TP53BP1: variants seen among roughly 807,000 people sequenced by gnomAD.
TP53BP1 encodes tumor protein p53 binding protein 1, also known as TP53-binding protein 1.
TP53BP1 carries 61 observed loss-of-function variants against 200.8 expected under a neutral mutation model. The ratio of observed to expected loss-of-function variants is 0.30; its 90% CI spans 0.25 to 0.38. The LOEUF is 0.38. TP53BP1 is among the 10% of genes least tolerant of loss of function. The pLI, the probability that TP53BP1 is intolerant of heterozygous loss-of-function variation, is 1.00. For synonymous variants in TP53BP1, 822 were observed against 844.3 expected (o/e 0.97, Z 0.46); for missense variants, 2,144 against 2,371.9 (o/e 0.90, Z 2.00).
At position 43,407,379 on chromosome 15, in the gene TP53BP1, A is replaced by C. The variant is rs1429646922; in HGVS notation, c.*4T>G. On this transcript the variant is annotated 3_prime_UTR_variant, in exon 28 of 28. Transcript: ENST00000382044. ...GGGAATAAAACCAGTAAGACCAAGT[A>C]TCTTTAGTGAGAAACATAATCGTGT... 4 of 1,613,742 alleles carry C rather than the reference A, an allele frequency of 2.5e-6. No homozygotes were observed. Among genetic ancestry groups the C allele is most frequent in the East Asian group, 2.2e-5 (1 of 44,876 alleles).
upstream of TP53BP1, among the ~76,000 whole-genome samples, chr15:43,494,256 C>T (rs1419221235): frequency 6.6e-6 from 1 of 152,158 alleles, no homozygotes; most frequent in Non-Finnish European, 1.5e-5. Context: ...AGATTTATTT[C>T]GGCACAGCCC....
At position 43,408,727 on chromosome 15, in the gene TP53BP1, A is replaced by G. The variant is rs2045012146; in HGVS notation, c.5600+170T>C. On this transcript the variant is annotated intron_variant, in intron 26 of 27. Transcript: ENST00000382044. ...TTGCAAAAGGTTCCTAGCCAATGTA[A>G]CCTAGGGAAATAAACTAGATAAACT... 6 of 645,784 alleles carry G rather than the reference A, an allele frequency of 9.3e-6. No homozygotes were observed. In the Admixed American group the frequency reaches 1.4e-4, roughly 16 times the overall value. 40.0% of individuals were successfully genotyped at this position (645,784 alleles called of 1,614,324 possible).
Position 43,420,331 on chromosome 15 carries a change from A to G in TP53BP1, c.4655T>C (p.Leu1552Pro). The G allele has an allele frequency of 6.2e-7, 1 of 1,613,946 alleles. No individual in the cohort carries two copies. The highest frequency in any genetic ancestry group is 8.5e-7 in the Non-Finnish European group (1 of 1,179,858). Reference protein sequence around the residue: ...PIPLDTEVTALSEDEYFSAGV... With the variant: ...PIPLDTEVTAPSEDEYFSAGV... ...TGCACTGAAATACTCATCCTCCGAG[A>G]GGGCCGTCACTTCAGTGTCCAGCGG... is the stretch of plus-strand genomic sequence containing the variant. Residue 1552 changes from leucine (L) to proline (P), a missense_variant, in exon 21 of 28, where the codon CTC (leucine) becomes CCC (proline). Leu to Pro is a moderately conservative substitution (Grantham distance 98). Transcript: ENST00000382044.
At chr15:43,434,131 T>G (rs1044156339) in intron 16 of TP53BP1, among the ~76,000 whole-genome samples, 2 of 152,184 alleles carry the variant, frequency 1.3e-5, no homozygotes, top group Admixed American at 6.5e-5. Context: ...GAACCTCAAC[T>G]GAATGAGAAT....
chr15:43,460,342 C>T (rs536451580), intron 11 of TP53BP1, among the ~76,000 whole-genome samples: 1 of 152,170 alleles, frequency 6.6e-6, no homozygotes, highest in South Asian at 2.1e-4. Flanking sequence ...CTCATTGCAG[C>T]CTTAATGTCT....
chr15:43,481,460 TACACACACACACAC>T (rs61433356), intron 4 of TP53BP1, among the ~76,000 whole-genome samples: 45 of 143,810 alleles, frequency 3.1e-4, no homozygotes, highest in African/African-American at 1.1e-3. Flanking sequence ...TGTATATAAA[TACACACACACACAC>T]ACACACACAC....
chr15:43,443,508 A>G (rs960609593), intron 14 of TP53BP1, among the ~76,000 whole-genome samples: 16 of 152,020 alleles, frequency 1.1e-4, no homozygotes, highest in African/African-American at 3.6e-4. Context: ...CCTGGCTAAC[A>G]TGGCGAAGCC....
In TP53BP1 at chr15:43,416,271, G is replaced by T; in HGVS notation, c.4827C>A (p.Pro1609=). 6.2e-7 allele frequency: 1 copy of T among 1,614,148 alleles called. No individual in the cohort carries two copies. The highest frequency in any genetic ancestry group is 8.5e-7 in the Non-Finnish European group (1 of 1,180,012). The change falls in exon 22 of 28, where the codon CCC becomes CCA. Residue 1609 remains proline (P), a synonymous_variant. Coordinates refer to ENST00000382044, the MANE Select transcript of TP53BP1 (RefSeq NM_001141980.3). The part of the protein sequence containing the change: ...NRLREQYGLG[P]YEAVTPLTKA... The stretch of plus-strand genomic sequence containing the variant: ...TTGTAAGAGGTGTTACTGCTTCATA[G>T]GGGCCAAGCCCATACTGCTCTCTCA...
At chr15:43,443,456 C>T (rs1294082447) in intron 14 of TP53BP1, among the ~76,000 whole-genome samples, 1 of 152,164 alleles carries the variant, frequency 6.6e-6, no homozygotes, top group Admixed American at 6.5e-5. Flanking sequence ...CTTTGAGAGG[C>T]CAAGGCAGGA....
At chr15:43,424,710 T>C (rs912274086) in intron 18 of TP53BP1, among the ~76,000 whole-genome samples, 1 of 152,246 alleles carries the variant, frequency 6.6e-6, no homozygotes, top group African/African-American at 2.4e-5. Flanking sequence ...ATAAAATAGG[T>C]ATCCTTACTA....
At chr15:43,452,013 T>C (rs1181061955) in intron 12 of TP53BP1, among the ~76,000 whole-genome samples, 2 of 151,994 alleles carry the variant, frequency 1.3e-5, no homozygotes, top group African/African-American at 4.8e-5. Flanking sequence ...CATGTGCCTA[T>C]AATTCCAGCT....
At chr15:43,455,751 A>T in intron 12 of TP53BP1, 141 bp downstream of exon 12, 1 of 1,129,996 alleles carries the variant, frequency 8.8e-7, no homozygotes, top group South Asian at 1.7e-5. Context: ...CAAAAAATTT[A>T]ATTTCCCAAT....
chr15:43,408,131 T>C, intron 26 of TP53BP1, 43 bp from the exon 27 acceptor site: 1 of 1,590,638 alleles, frequency 6.3e-7, no homozygotes, highest in Non-Finnish European at 8.6e-7. Flanking sequence ...ACAAGTAATA[T>C]CCAACAAACT....
intron 11 of TP53BP1, among the ~76,000 whole-genome samples, chr15:43,457,973 C>T (rs1033539002): frequency 6.6e-6 from 1 of 151,664 alleles, no homozygotes; most frequent in African/African-American, 2.4e-5. Context: ...GAGCCAAGAT[C>T]GTGTCATTGC....
chr15:43,509,299 C>T (rs958798234), intron 1 of TP53BP1, among the ~76,000 whole-genome samples: 1 of 146,732 alleles, frequency 6.8e-6, no homozygotes, highest in Non-Finnish European at 1.5e-5. Flanking sequence ...CTCTTATTTT[C>T]CCCTTTCTGT....
Position 43,449,978 on chromosome 15 carries a change from A to T in TP53BP1, c.2717-2493T>A, listed in dbSNP as rs77578756. On this transcript the variant is annotated intron_variant, in intron 12 of 27. Transcript: ENST00000382044. ...AATCCTTAAAAATACATTTGCTGGTATATTTTATCCTTTTAAACTTACGGA... is the reference window on the plus strand; with the variant it reads ...AATCCTTAAAAATACATTTGCTGGTTTATTTTATCCTTTTAAACTTACGGA... 7.8e-3 allele frequency among the ~76,000 whole-genome samples: 1,183 copies of T among 152,356 alleles called. 15 individuals are homozygous for T. Among genetic ancestry groups the T allele is most frequent in the African/African-American group, 0.027 (1,107 of 41,574 alleles).
At position 43,404,149 on chromosome 15, in the gene TP53BP1, C is replaced by T. The variant is rs2044775862; in HGVS notation, c.*3234G>A. 2 of 535,404 alleles carry T rather than the reference C, an allele frequency of 3.7e-6. No individual in the cohort carries two copies. The highest frequency in any genetic ancestry group is 3.2e-5 in the Admixed American group (1 of 31,128). 33.2% of individuals were successfully genotyped at this position (535,404 alleles called of 1,614,324 possible). A position where few individuals can be genotyped will look rare whatever the true frequency, so the allele number is the denominator to read the frequency against. ...TGTAATCAAAACGGGTTCTCCCCAA[C>T]CCCAGTACTTGACAAAATACATTAA... On this transcript the variant is annotated 3_prime_UTR_variant, in exon 28 of 28. Transcript: ENST00000382044.
intron 16 of TP53BP1, among the ~76,000 whole-genome samples, chr15:43,437,490 G>A (rs1182999484): frequency 2.0e-5 from 3 of 152,012 alleles, no homozygotes; most frequent in South Asian, 2.1e-4. Flanking sequence ...AAAATTAGCC[G>A]GTATGGTGGC....
At chr15:43,465,594 A>C (rs2046556479) in intron 11 of TP53BP1, among the ~76,000 whole-genome samples, 1 of 152,092 alleles carries the variant, frequency 6.6e-6, no homozygotes, top group Non-Finnish European at 1.5e-5. Context: ...TAAAGAAATA[A>C]ATTTCTTTGA....
Sources: allele counts gnomAD v4.1 joint callset (sites outside exome capture counted in the v4.1 genomes callset), GRCh38; gene constraint gnomAD v4.1.1; transcripts MANE v1.5; gene names NCBI Gene and HGNC (gene_info 2026-07-23, HGNC 2026-07-21).